NUDC: variants seen among roughly 807,000 people sequenced by gnomAD.
The protein encoded by NUDC is nuclear distribution C, dynein complex regulator.
NUDC carries 14 observed loss-of-function variants against 45.0 expected under a neutral mutation model. The ratio of observed to expected loss-of-function variants is 0.31; its 90% CI spans 0.21 to 0.49. The LOEUF (loss-of-function observed/expected upper bound fraction) is 0.49. Among genes scored for constraint, NUDC ranks in the 20% least tolerant of loss-of-function variants. The pLI is 0.99. For missense variants in NUDC, 323 were observed against 426.2 expected, an observed-to-expected ratio of 0.76 and a Z score of 2.13; for synonymous variants, 153 against 156.7, an observed-to-expected ratio of 0.98 and a Z score of 0.17.
At chr1:26,930,741 G>C (rs1220190963) in intron 2 of NUDC, among the ~76,000 whole-genome samples, 2 of 151,124 alleles carry the variant, frequency 1.3e-5, no homozygotes, top group African/African-American at 4.8e-5. Context: ...AGTGGGCTGG[G>C]CACGGTGGCT....
chr1:26,913,924 G>T, intron 3 of NUDC: 2 of 1,478,706 alleles, frequency 1.4e-6, no homozygotes, highest in Non-Finnish European at 1.8e-6. Context: ...GCAGGCCCCT[G>T]GTTGGCTGGT....
Position 26,943,119 on chromosome 1 carries a change from G to A in NUDC, c.741+54G>A, listed in dbSNP as rs578246670. The A allele has an allele frequency of 2.8e-3, 4,364 of 1,586,730 alleles. 16 individuals are homozygous for A. Among genetic ancestry groups the A allele is most frequent in the Middle Eastern group, 0.015 (92 of 6,006 alleles). On this transcript the variant is annotated intron_variant, in intron 6 of 8. Transcript: ENST00000321265. ...GGGTGTTGATGGAAGTAGAAGGGAG[G>A]ATGTGTGCTTAGTTTACTCAGGAGC...
chr1:26,910,713 C>G (rs1286245408), intron 2 of NUDC, among the ~76,000 whole-genome samples: 3 of 152,196 alleles, frequency 2.0e-5, no homozygotes, highest in Admixed American at 1.3e-4. Context: ...CCCTTCAGGT[C>G]ACTCACCCTG....
chr1:26,916,124 C>T (rs140304596), intron 3 of NUDC, among the ~76,000 whole-genome samples: 1 of 152,100 alleles, frequency 6.6e-6, no homozygotes, highest in East Asian at 1.9e-4. Context: ...CGGTGGCTCA[C>T]GCCTGTAATC....
At chr1:26,917,209 G>A (rs1178984718), upstream of NUDC, among the ~76,000 whole-genome samples, 1 of 152,120 alleles carries the variant, frequency 6.6e-6, no homozygotes, top group Non-Finnish European at 1.5e-5. Context: ...AGGGAGCCAA[G>A]ATAGTGCCAC....
chr1:26,933,657 A>G (rs940471383), intron 2 of NUDC, among the ~76,000 whole-genome samples: 1 of 148,516 alleles, frequency 6.7e-6, no homozygotes, highest in African/African-American at 2.5e-5. Flanking sequence ...CAGGTGATCC[A>G]CCCGCCTCGG....
chr1:26,905,696 TCA>T lies in NUDC; in HGVS notation c.-16+3333_-16+3334del, dbSNP rs1302261698. Among the ~76,000 whole-genome samples, 20 of 152,284 alleles carry T rather than the reference TCA, an allele frequency of 1.3e-4. No homozygotes were observed. In the East Asian group the frequency reaches 3.9e-3, roughly 29 times the overall value. Reference sequence around the variant, plus strand: ...TGCCCTGGTATAGGGAGGGTATCCCTCACAGAGGAATCTTGATGGCTTGCTGC... The same window carrying T: ...TGCCCTGGTATAGGGAGGGTATCCCTCAGAGGAATCTTGATGGCTTGCTGC... On this transcript the variant is annotated intron_variant, in intron 2 of 6. Coordinates refer to the NUDC transcript ENST00000435827.
chr1:26,919,872 T>A (rs1297912766), upstream of NUDC, among the ~76,000 whole-genome samples: 1 of 152,012 alleles, frequency 6.6e-6, no homozygotes, highest in Admixed American at 6.6e-5. Flanking sequence ...GAAAAAAAAA[T>A]ATGTATTTGA....
In NUDC at chr1:26,941,588, A is replaced by G. The variant is rs143304667; in HGVS notation, c.291A>G (p.Ser97=). The part of the protein sequence containing the change: ...RAARLAKEAK[S]ETSGPQIKEL... ...CCAGACTGGCCAAGGAAGCCAAGTC[A>G]GAGACCTCAGGGCCCCAGATCAAGG... is the stretch of plus-strand genomic sequence containing the variant. The change falls in exon 3 of 9, where the codon TCA becomes TCG. Residue 97 remains serine (S), a synonymous_variant. Coordinates refer to ENST00000321265, the MANE Select transcript of NUDC (RefSeq NM_006600.4). The G allele has an allele frequency of 6.4e-4, 1,024 of 1,612,408 alleles. 7 individuals are homozygous for G. In the African/African-American group the frequency reaches 0.012, roughly 19 times the overall value.
intron 6 of NUDC, among the ~76,000 whole-genome samples, chr1:26,943,404 C>CA (rs1553164537): frequency 6.6e-6 from 1 of 151,838 alleles, no homozygotes; most frequent in African/African-American, 2.4e-5. Flanking sequence ...TTGTAGAGAC[C>CA]GGGGGGTCTC....
intron 3 of NUDC, chr1:26,911,968 G>A: frequency 6.2e-7 from 1 of 1,614,238 alleles, no homozygotes; most frequent in Non-Finnish European, 8.5e-7. Flanking sequence ...CCGTGAGGAG[G>A]ACACGGGTCA....
At chr1:26,912,067 G>A (rs776745107) in intron 3 of NUDC, 11 of 1,613,692 alleles carry the variant, frequency 6.8e-6, no homozygotes, top group East Asian at 2.2e-5. Context: ...TGTGGGAGGC[G>A]GCTTGGAGGC....
chr1:26,932,323 C>T (rs372502038), intron 2 of NUDC, among the ~76,000 whole-genome samples: 2 of 151,784 alleles, frequency 1.3e-5, no homozygotes, highest in East Asian at 1.9e-4. Context: ...ATTACAGGTG[C>T]GCACAACCAT....
intron 1 of NUDC, among the ~76,000 whole-genome samples, chr1:26,923,566 G>A (rs906537408): frequency 6.6e-6 from 1 of 152,058 alleles, no homozygotes; most frequent in South Asian, 2.1e-4. Context: ...TGCTTCCCGG[G>A]TTCAAGTGAT....
chr1:26,944,530 G>A (rs1052709191), intron 6 of NUDC, among the ~76,000 whole-genome samples: 8 of 152,242 alleles, frequency 5.3e-5, no homozygotes, highest in South Asian at 2.1e-4. Flanking sequence ...CTGGCTGGGC[G>A]TGGTAGCTCA....
At chr1:26,924,734 A>C (rs1339274743) in intron 2 of NUDC, among the ~76,000 whole-genome samples, 1 of 151,620 alleles carries the variant, frequency 6.6e-6, no homozygotes, top group Non-Finnish European at 1.5e-5. Context: ...TTGTATTTTG[A>C]TAGAGACGAG....
intron 3 of NUDC, among the ~76,000 whole-genome samples, chr1:26,915,046 C>T (rs113232671): frequency 1.5e-5 from 2 of 135,178 alleles, no homozygotes; most frequent in African/African-American, 2.8e-5. Flanking sequence ...TATATATACA[C>T]ATACATACAT....
chr1:26,946,039 A>G (rs2082315191), intron 8 of NUDC, 91 bp from the exon 9 acceptor site: 2 of 1,303,804 alleles, frequency 1.5e-6, no homozygotes, highest in African/African-American at 1.5e-5. Context: ...GCTGAGGTCT[A>G]AAGAGATTAG....
At chr1:26,930,092 A>C (rs2082168335) in intron 2 of NUDC, among the ~76,000 whole-genome samples, 1 of 152,200 alleles carries the variant, frequency 6.6e-6, no homozygotes, top group Non-Finnish European at 1.5e-5. Context: ...CCAGAAAAGC[A>C]TACCAATTCT....
Sources: gnomAD v4.1 joint callset for allele counts (sites outside exome capture counted in the v4.1 genomes callset) on GRCh38, gnomAD v4.1.1 for gene constraint, MANE v1.5 for transcripts, NCBI Gene and HGNC (gene_info 2026-07-23, HGNC 2026-07-21) for gene names.